SLC35F1: variants seen among roughly 807,000 people sequenced by gnomAD.
The protein encoded by SLC35F1 is chromosome 6 open reading frame 169.
In SLC35F1, 14 loss-of-function variants were observed where a neutral mutation model predicts 48.7. The observed-to-expected ratio is 0.29, with a 90% CI of 0.19 to 0.45. The LOEUF is 0.45. Ranked by LOEUF, SLC35F1 falls within the 20% of genes least tolerant of loss-of-function variation. The pLI is 1.00. For missense variants in SLC35F1, 404 were observed against 500.0 expected (o/e 0.81, Z 1.83); for synonymous variants, 190 against 202.2 (o/e 0.94, Z 0.51).
intron 2 of SLC35F1, among the ~76,000 whole-genome samples, chr6:118,160,447 A>G (rs1156506451): frequency 6.6e-6 from 1 of 152,258 alleles, no homozygotes; most frequent in African/African-American, 2.4e-5. Context: ...GTGTGAGTGT[A>G]AAAATGAAAC....
chr6:118,274,192 C>G (rs1173232559), intron 4 of SLC35F1, among the ~76,000 whole-genome samples: 1 of 152,096 alleles, frequency 6.6e-6, no homozygotes, highest in African/African-American at 2.4e-5. Flanking sequence ...GTCAGCTGAG[C>G]TCCTGCACTG....
chr6:118,154,355 A>C (rs1016768588), intron 1 of SLC35F1, 90 bp from the exon 2 acceptor site: 8 of 1,103,892 alleles, frequency 7.2e-6, no homozygotes, highest in Non-Finnish European at 1.1e-5. Flanking sequence ...AATCCAGTGC[A>C]TGCTACCAGT....
intron 1 of SLC35F1, among the ~76,000 whole-genome samples, chr6:118,047,984 T>C (rs1772325239): frequency 6.6e-6 from 1 of 152,142 alleles, no homozygotes; most frequent in Non-Finnish European, 1.5e-5. Context: ...ATGCTTCCAG[T>C]TTTTGCCCAT....
intron 7 of SLC35F1, among the ~76,000 whole-genome samples, chr6:118,292,942 T>G (rs1776142655): frequency 6.6e-6 from 1 of 152,154 alleles, no homozygotes; most frequent in Non-Finnish European, 1.5e-5. Flanking sequence ...CTGACAACAT[T>G]ATTGAATCCA....
chr6:118,220,071 G>A (rs930427436), intron 2 of SLC35F1, among the ~76,000 whole-genome samples: 2 of 152,066 alleles, frequency 1.3e-5, no homozygotes, highest in Non-Finnish European at 2.9e-5. Context: ...TAATGTAAAT[G>A]ACGAGTAATG....
At chr6:118,176,604 T>C (rs994157475) in intron 2 of SLC35F1, among the ~76,000 whole-genome samples, 1 of 152,136 alleles carries the variant, frequency 6.6e-6, no homozygotes, top group Non-Finnish European at 1.5e-5. Context: ...CTGCAATCTC[T>C]CCAGAGAGAC....
Position 118,147,402 on chromosome 6 carries a change from G to T in SLC35F1, c.174-7043G>T, listed in dbSNP as rs568586840. Among the ~76,000 whole-genome samples the T allele has an allele frequency of 2.8e-4, 42 of 152,280 alleles. 1 individual carries two copies. Among genetic ancestry groups the T allele is most frequent in the African/African-American group, 1.0e-3 (42 of 41,564 alleles). ...CCTGGGTTGTGCCCACATAATGTTG[G>T]TTATAGCCTATGCAGAGTTGGTCAT... On this transcript the variant is annotated intron_variant, in intron 1 of 7. Coordinates refer to ENST00000360388, the MANE Select transcript of SLC35F1 (RefSeq NM_001029858.4).
intron 1 of SLC35F1, among the ~76,000 whole-genome samples, chr6:118,037,158 T>C (rs367970419): frequency 1.3e-5 from 2 of 152,326 alleles, no homozygotes. Context: ...TTATACCTTT[T>C]TCCATCCATT....
At chr6:118,185,622 T>A (rs1582718304) in intron 2 of SLC35F1, among the ~76,000 whole-genome samples, 1 of 152,174 alleles carries the variant, frequency 6.6e-6, no homozygotes. Flanking sequence ...AATATTCTAT[T>A]GAAAATCAGA....
At chr6:118,282,836 G>A (rs283084) in intron 6 of SLC35F1, among the ~76,000 whole-genome samples, 74,549 of 151,710 alleles carry the variant, frequency 0.49, 18,705 homozygotes, top group Non-Finnish European at 0.55. Flanking sequence ...CTCCACTGCC[G>A]TTTCGAGCAA....
At chr6:118,250,746 G>A (rs1400279827) in intron 3 of SLC35F1, among the ~76,000 whole-genome samples, 1 of 152,092 alleles carries the variant, frequency 6.6e-6, no homozygotes, top group Non-Finnish European at 1.5e-5. Context: ...GTCCAAGGCG[G>A]GTGGATAACT....
At chr6:118,009,097 A>G (rs1355050709) in intron 1 of SLC35F1, among the ~76,000 whole-genome samples, 1 of 152,120 alleles carries the variant, frequency 6.6e-6, no homozygotes, top group African/African-American at 2.4e-5. Context: ...AAATCAAGAT[A>G]CTCTGGTGAT....
rs558497059 is a variant in SLC35F1 at position 117,989,626 on chromosome 6, T to C, written c.173+81727T>C. On this transcript the variant is annotated intron_variant, in intron 1 of 7. Coordinates refer to ENST00000360388, the MANE Select transcript of SLC35F1 (RefSeq NM_001029858.4). ...ATGATTTGCTATTTTGTTAATTTTT[T>C]GTAAATTCTAAGTACAGTGTTTAAA... Among the ~76,000 whole-genome samples the C allele has an allele frequency of 1.1e-4, 17 of 152,348 alleles. 1 individual carries two copies. In the South Asian group the frequency reaches 2.5e-3, roughly 22 times the overall value.
chr6:118,144,809 CT>C (rs1773948095), intron 1 of SLC35F1, among the ~76,000 whole-genome samples: 1 of 152,006 alleles, frequency 6.6e-6, no homozygotes, highest in Admixed American at 6.6e-5. Context: ...TAAATTGACC[CT>C]TGTGCAATCA....
At chr6:117,918,990 G>A (rs1775862815) in intron 1 of SLC35F1, among the ~76,000 whole-genome samples, 1 of 152,092 alleles carries the variant, frequency 6.6e-6, no homozygotes, top group South Asian at 2.1e-4. Flanking sequence ...GAAACTCCTG[G>A]GTTCAAGTGA....
chr6:117,936,992 C>A (rs988606932), intron 1 of SLC35F1, among the ~76,000 whole-genome samples: 3 of 152,142 alleles, frequency 2.0e-5, no homozygotes, highest in African/African-American at 7.2e-5. Flanking sequence ...ACCTTCTGCA[C>A]TCTAACATGT....
chr6:118,179,478 G>A (rs947203975), intron 2 of SLC35F1, among the ~76,000 whole-genome samples: 1 of 152,086 alleles, frequency 6.6e-6, no homozygotes, highest in Non-Finnish European at 1.5e-5. Flanking sequence ...TCAGCAGATT[G>A]GAACACTTGC....
chr6:118,105,942 GC>G (rs1773321833), intron 1 of SLC35F1, among the ~76,000 whole-genome samples: 1 of 152,086 alleles, frequency 6.6e-6, no homozygotes, highest in Admixed American at 6.6e-5. Flanking sequence ...CAACTTTCCT[GC>G]TTTTTTCTAA....
In SLC35F1 at chr6:118,182,519, A is replaced by AGAAGGAAGGAAGCAAGGAAG. The variant is rs1554234200; in HGVS notation, c.349+27911_349+27912insCAAGGAAGGAAGGAAGGAAG. On this transcript the variant is annotated intron_variant, in intron 2 of 7. Coordinates refer to ENST00000360388, the MANE Select transcript of SLC35F1 (RefSeq NM_001029858.4). ...AAAAAAAAGAAAGAGAGAGAGAGAGAGAAGGAAGGAAGGAAGGAAGGAAGG... is the reference window on the plus strand; with the variant it reads ...AAAAAAAAGAAAGAGAGAGAGAGAGAGAAGGAAGGAAGCAAGGAAGGAAGGAAGGAAGGAAGGAAGGAAGG... Among the ~76,000 whole-genome samples the AGAAGGAAGGAAGCAAGGAAG allele has an allele frequency of 9.4e-5, 10 of 106,310 alleles. No individual in the cohort carries two copies. In the Admixed American group the frequency reaches 1.1e-3, roughly 12 times the overall value. 69.7% of individuals were successfully genotyped at this position (106,310 alleles called of 152,430 possible).
Sources: gnomAD v4.1 joint callset for allele counts (sites outside exome capture counted in the v4.1 genomes callset) on GRCh38, gnomAD v4.1.1 for gene constraint, MANE v1.5 for transcripts, NCBI Gene and HGNC (gene_info 2026-07-23, HGNC 2026-07-21) for gene names.